The following PABPC4L variants were observed in gnomAD, a reference collection of about 807,000 sequenced individuals.
PABPC4L encodes polyadenylate-binding protein 4-like.
For synonymous variants in PABPC4L, 169 were observed against 164.1 expected, an observed-to-expected ratio of 1.03 and a Z score of -0.23; for missense variants, 452 against 451.4, an observed-to-expected ratio of 1.00 and a Z score of -0.01.
the PABPC4L span, among the ~76,000 whole-genome samples, chr4:134,130,040 G>A: frequency 3.3e-5 from 5 of 150,360 alleles, no homozygotes; most frequent in Non-Finnish European, 5.9e-5. Flanking sequence ...ACTCCAGCCT[G>A]GGTGACAGAG....
chr4:134,092,113 A>G, the PABPC4L span, among the ~76,000 whole-genome samples: 1 of 152,046 alleles, frequency 6.6e-6, no homozygotes, highest in African/African-American at 2.4e-5. Context: ...TACTGGGTAG[A>G]GGGGGGTGGT....
chr4:134,160,120 G>A, the PABPC4L span, among the ~76,000 whole-genome samples: 3 of 151,984 alleles, frequency 2.0e-5, no homozygotes, highest in African/African-American at 4.8e-5. Flanking sequence ...TGGCAGCTAG[G>A]CATTAGTGGC....
the PABPC4L span, among the ~76,000 whole-genome samples, chr4:134,068,075 G>T: frequency 6.6e-6 from 1 of 152,064 alleles, no homozygotes; most frequent in African/African-American, 2.4e-5. Context: ...GAATATGTTT[G>T]TTAATTTTCT....
chr4:134,192,351 T>C (rs1451165367), downstream of PABPC4L, among the ~76,000 whole-genome samples: 1 of 152,048 alleles, frequency 6.6e-6, no homozygotes, highest in African/African-American at 2.4e-5. Flanking sequence ...AGACACAGAC[T>C]ATATTATTGT....
chr4:134,191,986 GATA>G (rs918056267), downstream of PABPC4L, among the ~76,000 whole-genome samples: 1 of 152,054 alleles, frequency 6.6e-6, no homozygotes. Flanking sequence ...GAATAAAATT[GATA>G]ATGACAATGA....
At chr4:134,127,792 A>C in the PABPC4L span, among the ~76,000 whole-genome samples, 1 of 152,144 alleles carries the variant, frequency 6.6e-6, no homozygotes, top group African/African-American at 2.4e-5. Flanking sequence ...ATTGATCCAA[A>C]CCAAGATGAA....
At chr4:134,092,188 A>C in the PABPC4L span, among the ~76,000 whole-genome samples, 11 of 151,672 alleles carry the variant, frequency 7.3e-5, no homozygotes, top group East Asian at 2.0e-4. Context: ...CCACATCTTT[A>C]TTTTTCCCAC....
At chr4:134,095,150 C>A in the PABPC4L span, among the ~76,000 whole-genome samples, 1 of 151,632 alleles carries the variant, frequency 6.6e-6, no homozygotes, top group Non-Finnish European at 1.5e-5. Flanking sequence ...ACTTCTTTAT[C>A]TCCTTTGCCT....
chr4:133,980,270 A>G, the PABPC4L span, among the ~76,000 whole-genome samples: 1 of 152,200 alleles, frequency 6.6e-6, no homozygotes. Context: ...AAACCTTGAG[A>G]CAAATTAACA....
At chr4:134,063,812 TAATA>T in the PABPC4L span, among the ~76,000 whole-genome samples, 1 of 152,066 alleles carries the variant, frequency 6.6e-6, no homozygotes, top group African/African-American at 2.4e-5. Flanking sequence ...TCTTTCCTAC[TAATA>T]AATAAGTTAT....
the PABPC4L span, among the ~76,000 whole-genome samples, chr4:134,113,796 C>T: frequency 2.9e-4 from 44 of 151,720 alleles, 1 homozygote; most frequent in Non-Finnish European, 3.8e-4. Context: ...GAGAAAGTCA[C>T]GCTAGACAGC....
the PABPC4L span, among the ~76,000 whole-genome samples, chr4:134,089,423 T>A: frequency 6.6e-6 from 1 of 152,108 alleles, no homozygotes; most frequent in Non-Finnish European, 1.5e-5. Context: ...GTCCACAGTT[T>A]ACATTAGGAT....
the PABPC4L span, among the ~76,000 whole-genome samples, chr4:134,005,146 G>A: frequency 2.0e-5 from 3 of 151,902 alleles, no homozygotes; most frequent in Admixed American, 6.6e-5. Flanking sequence ...TGATGGATAT[G>A]TTAATTAGCT....
At chr4:134,151,906 T>A in the PABPC4L span, among the ~76,000 whole-genome samples, 1 of 151,604 alleles carries the variant, frequency 6.6e-6, no homozygotes, top group African/African-American at 2.4e-5. Context: ...AATTAAAAAC[T>A]ATATTATCAG....
At chr4:134,004,022 T>G in the PABPC4L span, among the ~76,000 whole-genome samples, 6 of 151,864 alleles carry the variant, frequency 4.0e-5, no homozygotes, top group African/African-American at 9.7e-5. Flanking sequence ...GCATAAGACA[T>G]GAAACTCCAA....
the PABPC4L span, among the ~76,000 whole-genome samples, chr4:134,141,357 C>T: frequency 2.7e-5 from 4 of 149,634 alleles, no homozygotes; most frequent in African/African-American, 9.8e-5. Context: ...AGTGAAAGCA[C>T]AAACTTGGAT....
chr4:134,162,559 G>T, the PABPC4L span, among the ~76,000 whole-genome samples: 1 of 152,050 alleles, frequency 6.6e-6, no homozygotes, highest in Non-Finnish European at 1.5e-5. Flanking sequence ...ACTGCAGAAT[G>T]TACACTCTTC....
chr4:133,997,082 T>C, the PABPC4L span, among the ~76,000 whole-genome samples: 1 of 152,164 alleles, frequency 6.6e-6, no homozygotes, highest in Non-Finnish European at 1.5e-5. Context: ...CTATAATTTT[T>C]CCCACCACCC....
the PABPC4L span, among the ~76,000 whole-genome samples, chr4:134,010,986 G>A: frequency 6.6e-6 from 1 of 151,988 alleles, no homozygotes; most frequent in East Asian, 1.9e-4. Context: ...ATAAAATGTA[G>A]ACTTCTATTT....
Sources: allele counts gnomAD v4.1 joint callset (sites outside exome capture counted in the v4.1 genomes callset), GRCh38; gene constraint gnomAD v4.1.1; transcripts MANE v1.5; gene names NCBI Gene and HGNC (gene_info 2026-07-23, HGNC 2026-07-21).